The following FOXP2 variants were observed in gnomAD, a reference collection of about 807,000 sequenced individuals.
FOXP2 encodes forkhead box P2, also known as forkhead box protein P2.
In FOXP2, 12 loss-of-function variants were observed where a neutral mutation model predicts 115.8. The observed-to-expected ratio is 0.10, with a 90% CI of 0.07 to 0.17. The LOEUF (loss-of-function observed/expected upper bound fraction) is 0.17, where lower values mean the gene tolerates loss of function less well. Ranked by LOEUF, FOXP2 falls within the 10% of genes least tolerant of loss-of-function variation. The probability of loss-of-function intolerance (pLI) is 1.00; values close to 1 mark genes in which losing one functional copy is unlikely to be tolerated. For missense variants in FOXP2, 629 were observed against 843.5 expected, an observed-to-expected ratio of 0.75 and a Z score of 3.15; for synonymous variants, 328 against 297.7, an observed-to-expected ratio of 1.10 and a Z score of -1.05.
At chr7:114,572,881 A>G (rs555654925) in intron 3 of FOXP2, among the ~76,000 whole-genome samples, 37 of 152,014 alleles carry the variant, frequency 2.4e-4, no homozygotes, top group Middle Eastern at 3.4e-3. Flanking sequence ...TAATTTCTCA[A>G]TGGTAAAGCT....
At chr7:114,498,237 G>A (rs989636324) in intron 2 of FOXP2, among the ~76,000 whole-genome samples, 1 of 152,106 alleles carries the variant, frequency 6.6e-6, no homozygotes, top group Non-Finnish European at 1.5e-5. Context: ...CCATCAGGAA[G>A]TGTAAACATT....
intron 2 of FOXP2, among the ~76,000 whole-genome samples, chr7:114,294,609 G>C (rs1055629643): frequency 8.5e-5 from 13 of 152,208 alleles, no homozygotes; most frequent in Admixed American, 2.6e-4. Context: ...CAGAGGCTGA[G>C]GCAGGGGGAT....
chr7:114,347,894 TAAG>T (rs2129185218), intron 2 of FOXP2, among the ~76,000 whole-genome samples: 1 of 152,128 alleles, frequency 6.6e-6, no homozygotes, highest in South Asian at 2.1e-4. Context: ...TCTTGCCAAT[TAAG>T]AAAAATAATT....
chr7:114,396,504 A>G (rs1259008061), intron 2 of FOXP2, among the ~76,000 whole-genome samples: 2 of 152,096 alleles, frequency 1.3e-5, no homozygotes, highest in African/African-American at 2.4e-5. Context: ...TCTTTGGGCT[A>G]TATATCCAAG....
In FOXP2 at chr7:114,525,900, T is replaced by C. The variant is rs1352920338; in HGVS notation, c.169-8717T>C. Among the ~76,000 whole-genome samples, 4 of 151,822 alleles carry C rather than the reference T, an allele frequency of 2.6e-5. No homozygotes were observed. The East Asian group carries it at 5.9e-4, about 22-fold the overall frequency. On this transcript the variant is annotated intron_variant, in intron 2 of 16. Transcript: ENST00000350908. ...GCTGAGATGGGCAGATCACTTGAGG[T>C]CAGGAGTTTCAGACCAGCCTGAGCA...
Position 114,235,138 on chromosome 7 carries a change from G to GT in FOXP2, c.-101-52872dup, listed in dbSNP as rs78597671. 3.2e-3 allele frequency among the ~76,000 whole-genome samples: 473 copies of GT among 149,158 alleles called. 2 individuals carry two copies. Among genetic ancestry groups the GT allele is most frequent in the African/African-American group, 0.01 (425 of 41,006 alleles). ...AGTTTTCAATAGTCATCACTCCAAT[G>GT]TTTTTTTTTAATGAGTGAATACTTG... On this transcript the variant is annotated intron_variant, in intron 1 of 17. Transcript: ENST00000634411.
chr7:114,338,748 TCACACACACACACACACACA>T (rs56411270), intron 2 of FOXP2, among the ~76,000 whole-genome samples: 4 of 146,518 alleles, frequency 2.7e-5, no homozygotes, highest in Admixed American at 6.9e-5. Context: ...GTCAAGATGT[TCACACACACACACACACACA>T]CACACACACA....
chr7:114,321,673 A>G (rs1797425301), intron 2 of FOXP2, among the ~76,000 whole-genome samples: 1 of 152,100 alleles, frequency 6.6e-6, no homozygotes, highest in African/African-American at 2.4e-5. Flanking sequence ...AGGAATATAT[A>G]ATTTTATGCA....
At chr7:114,562,420 A>G (rs1393440135) in intron 3 of FOXP2, among the ~76,000 whole-genome samples, 1 of 152,154 alleles carries the variant, frequency 6.6e-6, no homozygotes, top group Non-Finnish European at 1.5e-5. Flanking sequence ...CCCTGTTGTC[A>G]GTGACTTCAC....
chr7:114,573,763 T>G (rs1313004014), intron 3 of FOXP2, among the ~76,000 whole-genome samples: 1 of 151,688 alleles, frequency 6.6e-6, no homozygotes, highest in Non-Finnish European at 1.5e-5. Flanking sequence ...AATCCCTTAA[T>G]TTTATTAACA....
At chr7:114,554,497 A>C (rs1015456617) in intron 3 of FOXP2, among the ~76,000 whole-genome samples, 1 of 152,102 alleles carries the variant, frequency 6.6e-6, no homozygotes, top group Non-Finnish European at 1.5e-5. Flanking sequence ...AAAATTTGAC[A>C]TTTTCTTTCC....
intron 3 of FOXP2, among the ~76,000 whole-genome samples, chr7:114,611,071 A>T (rs1466308499): frequency 1.3e-5 from 2 of 152,204 alleles, no homozygotes; most frequent in Non-Finnish European, 2.9e-5. Context: ...ATCTTTGTGT[A>T]TCTATAGTAA....
chr7:114,561,425 C>T lies in FOXP2; in HGVS notation c.258+26719C>T, dbSNP rs188964328. 248 of 152,156 alleles carry T rather than the reference C, an allele frequency of 1.6e-3. 1 individual carries two copies. The highest frequency in any genetic ancestry group is 5.7e-3 in the African/African-American group (238 of 41,492). The allele number at this position is 152,156 out of a possible 1,614,324, so 9.4% of individuals were successfully genotyped here. A position where few individuals can be genotyped will look rare whatever the true frequency, so the allele number is the denominator to read the frequency against. ...GACTCACTAATTTATGCAATTATACCTCAATCTATGCAGTATCTTCCTAAA... is the reference window on the plus strand; with the variant it reads ...GACTCACTAATTTATGCAATTATACTTCAATCTATGCAGTATCTTCCTAAA... On this transcript the variant is annotated intron_variant, in intron 3 of 16. Coordinates refer to ENST00000350908, the MANE Select transcript of FOXP2 (RefSeq NM_014491.4).
At chr7:114,088,352 C>G (rs1402652678) in intron 1 of FOXP2, 1 of 152,220 alleles carries the variant, frequency 6.6e-6, no homozygotes, top group East Asian at 1.9e-4. Flanking sequence ...ATGTAGTCAT[C>G]GTGGATCAGG....
intron 1 of FOXP2, among the ~76,000 whole-genome samples, chr7:114,140,439 C>T (rs1372667338): frequency 6.6e-6 from 1 of 152,126 alleles, no homozygotes; most frequent in East Asian, 1.9e-4. Flanking sequence ...TTCTTAATTT[C>T]CACATGGTGA....
chr7:114,386,224 G>A (rs1792448409), intron 2 of FOXP2, among the ~76,000 whole-genome samples: 2 of 152,314 alleles, frequency 1.3e-5, no homozygotes, highest in South Asian at 2.1e-4. Context: ...ATGTGGACCA[G>A]AAGAGTGCAG....
intron 2 of FOXP2, among the ~76,000 whole-genome samples, chr7:114,331,762 G>T (rs139501426): frequency 1.3e-5 from 2 of 151,618 alleles, no homozygotes; most frequent in Non-Finnish European, 2.9e-5. Context: ...CTGCCTCCCG[G>T]GTTCAAGTGA....
chr7:114,519,151 C>T (rs972536959), intron 2 of FOXP2, among the ~76,000 whole-genome samples: 5 of 152,132 alleles, frequency 3.3e-5, no homozygotes, highest in Non-Finnish European at 5.9e-5. Context: ...TAGCTAAGAT[C>T]TTTAAAATAA....
intron 2 of FOXP2, among the ~76,000 whole-genome samples, chr7:114,431,258 T>A (rs1439811087): frequency 2.0e-5 from 3 of 151,948 alleles, no homozygotes. Context: ...TCACATTTGT[T>A]ATCTCTCGCC....
Sources: gnomAD v4.1 joint callset for allele counts (sites outside exome capture counted in the v4.1 genomes callset) on GRCh38, gnomAD v4.1.1 for gene constraint, MANE v1.5 for transcripts, NCBI Gene and HGNC (gene_info 2026-07-23, HGNC 2026-07-21) for gene names.